Variants in MYO5B observed in about 807,000 individuals in gnomAD.
MYO5B encodes unconventional myosin-Vb.
A neutral mutation model predicts 229.3 loss-of-function variants in MYO5B; 143 were observed. The observed-to-expected ratio is 0.62, with a 90% confidence interval of 0.54 to 0.72. MYO5B has a LOEUF of 0.72. MYO5B is among the 30% of genes least tolerant of loss of function. MYO5B has a pLI of 0.00. For missense variants in MYO5B, 2,321 were observed against 2,331.0 expected, an observed-to-expected ratio of 1.00 and a Z score of 0.09; for synonymous variants, 918 against 885.2, an observed-to-expected ratio of 1.04 and a Z score of -0.66.
intron 1 of MYO5B, among the ~76,000 whole-genome samples, chr18:50,155,449 C>A (rs145658595): frequency 6.6e-6 from 1 of 152,152 alleles, no homozygotes; most frequent in African/African-American, 2.4e-5. Flanking sequence ...AGATTTCATT[C>A]ATTTCACCCT....
intron 33 of MYO5B, among the ~76,000 whole-genome samples, chr18:49,844,816 C>T (rs2024104739): frequency 6.6e-6 from 1 of 152,248 alleles, no homozygotes; most frequent in Non-Finnish European, 1.5e-5. Context: ...TTGGAATGTT[C>T]TATTGTGATT....
chr18:49,831,248 A>G (rs997010941), intron 39 of MYO5B, among the ~76,000 whole-genome samples: 1 of 152,218 alleles, frequency 6.6e-6, no homozygotes, highest in African/African-American at 2.4e-5. Context: ...AGAGCATAGG[A>G]AACAAAAAAA....
intron 14 of MYO5B, among the ~76,000 whole-genome samples, chr18:49,953,044 A>G (rs1361153847): frequency 6.6e-6 from 1 of 151,864 alleles, no homozygotes; most frequent in Non-Finnish European, 1.5e-5. Context: ...TCTTCCCTCC[A>G]TCAGGCCATA....
chr18:50,059,829 C>A (rs571668872), intron 1 of MYO5B, among the ~76,000 whole-genome samples: 29 of 152,158 alleles, frequency 1.9e-4, no homozygotes, highest in African/African-American at 6.5e-4. Context: ...ATAGATCTTC[C>A]AAGGGTAATT....
chr18:50,014,658 C>T (rs1035100999), intron 4 of MYO5B, among the ~76,000 whole-genome samples: 2 of 152,154 alleles, frequency 1.3e-5, no homozygotes, highest in East Asian at 3.9e-4. Flanking sequence ...ACCATTCTGG[C>T]TGGATGAGGA....
chr18:50,080,455 A>C (rs530438294), intron 1 of MYO5B, among the ~76,000 whole-genome samples: 103 of 152,244 alleles, frequency 6.8e-4, no homozygotes, highest in African/African-American at 2.3e-3. Context: ...TGCTCTTGAC[A>C]TATGTTATTC....
chr18:49,891,423 C>G (rs963211175), intron 22 of MYO5B, among the ~76,000 whole-genome samples: 1 of 152,162 alleles, frequency 6.6e-6, no homozygotes, highest in African/African-American at 2.4e-5. Flanking sequence ...TTCCCCCATC[C>G]CCACACATTT....
chr18:50,189,261 T>C lies in MYO5B; in HGVS notation c.27+5506A>G, dbSNP rs568190430. ...TCAAGAGACTTGTAAGGCAGTGTTT[T>C]CCGGAAAAGACTGGTAGGGGAGTAG... On this transcript the variant is annotated intron_variant, in intron 1 of 39. Coordinates refer to ENST00000285039, the MANE Select transcript of MYO5B (RefSeq NM_001080467.3). Among the ~76,000 whole-genome samples the C allele has an allele frequency of 3.9e-5, 6 of 152,248 alleles. No individual in the cohort carries two copies. In the South Asian group the frequency reaches 6.2e-4, roughly 16 times the overall value.
chr18:49,841,847 C>T (rs1461605687), intron 34 of MYO5B, among the ~76,000 whole-genome samples: 2 of 152,220 alleles, frequency 1.3e-5, no homozygotes, highest in South Asian at 2.1e-4. Flanking sequence ...AGTTATCCAA[C>T]ACAAGGGATG....
At chr18:49,934,299 A>T (rs2025226257) in intron 16 of MYO5B, among the ~76,000 whole-genome samples, 2 of 152,224 alleles carry the variant, frequency 1.3e-5, no homozygotes, top group South Asian at 4.1e-4. Context: ...CGACTGGCCA[A>T]ATCAGCAGTG....
intron 15 of MYO5B, among the ~76,000 whole-genome samples, chr18:49,936,625 A>T (rs2025253495): frequency 1.3e-5 from 2 of 152,134 alleles, no homozygotes; most frequent in Non-Finnish European, 2.9e-5. Context: ...TGGATCAAAT[A>T]AGATGAAAGG....
Position 50,180,850 on chromosome 18 carries a change from G to A in MYO5B, c.27+13917C>T, listed in dbSNP as rs755424462. ...TTGCTGTAGCAGATGTCAGAATTTC[G>A]TTGTTTTTTAAGGCTGAATATATCC... On this transcript the variant is annotated intron_variant, in intron 1 of 39. Coordinates refer to ENST00000285039, the MANE Select transcript of MYO5B (RefSeq NM_001080467.3). Among the ~76,000 whole-genome samples, 9 of 152,162 alleles carry A rather than the reference G, an allele frequency of 5.9e-5. 1 individual carries two copies. In the South Asian group the frequency reaches 6.2e-4, roughly 11 times the overall value.
rs200991250 is a variant in MYO5B, at chr18:49,864,339, G to A, written c.3645C>T (p.Asp1215=). ...LESENKKLKN[D]LNELRKAVAD... is the part of the protein sequence containing the mutation. The stretch of plus-strand genomic sequence containing the variant: ...CCACGGCTTTCCTCAGCTCATTCAG[G>A]TCATTCTTCAGCTTTTTGTTCTCTG... The change falls in exon 28 of 40, where the codon GAC becomes GAT. Residue 1215 remains aspartate (D), a synonymous_variant. Transcript: ENST00000285039. 274 of 1,614,032 alleles carry A rather than the reference G, an allele frequency of 1.7e-4. No homozygotes were observed. The highest frequency in any genetic ancestry group is 2.0e-4 in the Non-Finnish European group (237 of 1,180,054).
At chr18:50,000,732 T>C (rs568150922) in intron 5 of MYO5B, among the ~76,000 whole-genome samples, 2 of 152,312 alleles carry the variant, frequency 1.3e-5, no homozygotes, top group African/African-American at 4.8e-5. Context: ...CACGCCATCA[T>C]AGGGAACTGT....
chr18:49,930,202 G>T (rs1217965097), intron 16 of MYO5B, among the ~76,000 whole-genome samples: 3 of 152,166 alleles, frequency 2.0e-5, no homozygotes, highest in Non-Finnish European at 4.4e-5. Context: ...AAATGTAATG[G>T]TCCCTGAAAG....
intron 4 of MYO5B, among the ~76,000 whole-genome samples, chr18:50,017,264 C>A (rs980557635): frequency 3.3e-5 from 5 of 152,030 alleles, no homozygotes; most frequent in African/African-American, 1.2e-4. Context: ...ATTACAGGCA[C>A]GTGCCACTAC....
intron 21 of MYO5B, among the ~76,000 whole-genome samples, chr18:49,900,443 C>G (rs1342175629): frequency 6.6e-6 from 1 of 152,178 alleles, no homozygotes; most frequent in Admixed American, 6.5e-5. Context: ...AACAAGGCAC[C>G]CTGTAGAACT....
intron 27 of MYO5B, among the ~76,000 whole-genome samples, chr18:49,865,928 C>A (rs1221264710): frequency 2.0e-5 from 3 of 152,176 alleles, no homozygotes; most frequent in African/African-American, 7.2e-5. Context: ...TGGTCCCCCA[C>A]ACATAACCTC....
At chr18:49,890,735 C>A (rs1204533014) in intron 22 of MYO5B, among the ~76,000 whole-genome samples, 1 of 152,222 alleles carries the variant, frequency 6.6e-6, no homozygotes, top group Non-Finnish European at 1.5e-5. Flanking sequence ...TGATGCTGTG[C>A]AGTTACCACA....
Sources: gnomAD v4.1 joint callset for allele counts (sites outside exome capture counted in the v4.1 genomes callset) on GRCh38, gnomAD v4.1.1 for gene constraint, MANE v1.5 for transcripts, NCBI Gene and HGNC (gene_info 2026-07-23, HGNC 2026-07-21) for gene names.